The following ARHGAP29 variants were observed in gnomAD, a reference collection of about 807,000 sequenced individuals.
ARHGAP29 encodes rho GTPase-activating protein 29.
A neutral mutation model predicts 122.6 loss-of-function variants in ARHGAP29; 43 were observed. That is an observed-to-expected ratio of 0.35 (90% CI 0.27 to 0.45). The LOEUF (loss-of-function observed/expected upper bound fraction) is 0.45, where lower values mean the gene tolerates loss of function less well. Among genes scored for constraint, ARHGAP29 ranks in the 20% least tolerant of loss-of-function variants. The probability of loss-of-function intolerance (pLI) is 1.00; values close to 1 mark genes in which losing one functional copy is unlikely to be tolerated. For synonymous variants in ARHGAP29, 506 were observed against 497.1 expected, an observed-to-expected ratio of 1.02 and a Z score of -0.24; for missense variants, 1,303 against 1,477.2, an observed-to-expected ratio of 0.88 and a Z score of 1.93.
chr1:94,178,968 G>A (rs1443574818), intron 20 of ARHGAP29, among the ~76,000 whole-genome samples: 1 of 152,136 alleles, frequency 6.6e-6, no homozygotes, highest in Admixed American at 6.5e-5. Context: ...ACTTGGTTCT[G>A]TAAGTCTGAT....
chr1:94,188,802 T>C (rs756070914), intron 15 of ARHGAP29, 35 bp downstream of exon 15: 2 of 1,536,118 alleles, frequency 1.3e-6, no homozygotes, highest in Non-Finnish European at 1.8e-6. Context: ...GATCTTTCAA[T>C]GAGTTTTCAT....
chr1:94,279,950 A>G (rs757322454), upstream of ARHGAP29, among the ~76,000 whole-genome samples: 10 of 151,800 alleles, frequency 6.6e-5, no homozygotes, highest in South Asian at 2.1e-3. Flanking sequence ...AGTGCCCGCA[A>G]GTTGTTTGTT....
intron 1 of ARHGAP29, among the ~76,000 whole-genome samples, chr1:94,255,217 G>A (rs1654290346): frequency 6.6e-6 from 1 of 152,192 alleles, no homozygotes; most frequent in South Asian, 2.1e-4. Flanking sequence ...GTCTTTACAA[G>A]AAGAGGTGAT....
At chr1:94,231,089 G>C (rs1652895681) in intron 2 of ARHGAP29, among the ~76,000 whole-genome samples, 1 of 152,028 alleles carries the variant, frequency 6.6e-6, no homozygotes, top group Admixed American at 6.5e-5. Flanking sequence ...TCAATGCACT[G>C]TGTTACCATT....
At chr1:94,194,636 C>T (rs1265228705) in intron 12 of ARHGAP29, 4 of 152,230 alleles carry the variant, frequency 2.6e-5, no homozygotes, top group African/African-American at 9.7e-5. Flanking sequence ...TCCACCTAGT[C>T]ACCTCCCAAA....
intron 12 of ARHGAP29, among the ~76,000 whole-genome samples, chr1:94,197,159 A>C (rs962245155): frequency 3.3e-5 from 5 of 152,162 alleles, no homozygotes; most frequent in African/African-American, 7.2e-5. Flanking sequence ...GATGCAAATT[A>C]CCAGTATCGG....
At chr1:94,195,505 C>T (rs904831249) in intron 12 of ARHGAP29, 20 of 151,882 alleles carry the variant, frequency 1.3e-4, no homozygotes, top group Non-Finnish European at 2.7e-4. Flanking sequence ...TATGAAGATA[C>T]ATAATAAAAA....
At chr1:94,236,730 T>C (rs1256849651) in intron 1 of ARHGAP29, among the ~76,000 whole-genome samples, 2 of 151,888 alleles carry the variant, frequency 1.3e-5, no homozygotes, top group African/African-American at 2.4e-5. Flanking sequence ...ACGTCCACAA[T>C]TGAACTGGGA....
rs779037081 is a variant in ARHGAP29 at position 94,202,934 on chromosome 1, T to A, written c.938A>T (p.Gln313Leu). The A allele has an allele frequency of 1.5e-5, 24 of 1,606,812 alleles. No individual in the cohort carries two copies. In the South Asian group the frequency reaches 2.7e-4, roughly 18 times the overall value. ...QRKEIKELWK[Q>L]EQNKMLEAEN... ...AATACTAACCATTTTATTTTGCTCC[T>A]GTTTCCAAAGCTCTTTTATTTCTTT... The change falls in exon 10 of 23, where the codon CAG becomes CTG. Residue 313 changes from glutamine (Q) to leucine (L), a missense_variant. Physicochemically the swap from Gln to Leu is moderately radical, Grantham distance 113. Coordinates refer to ENST00000260526, the MANE Select transcript of ARHGAP29 (RefSeq NM_004815.4).
At chr1:94,178,374 T>C (rs1649245156) in intron 20 of ARHGAP29, among the ~76,000 whole-genome samples, 1 of 152,112 alleles carries the variant, frequency 6.6e-6, no homozygotes, top group African/African-American at 2.4e-5. Flanking sequence ...TTGGAATAAA[T>C]TTCAAGTTAA....
the ARHGAP29 span, among the ~76,000 whole-genome samples, chr1:94,314,412 G>A: frequency 6.6e-6 from 1 of 152,114 alleles, no homozygotes; most frequent in South Asian, 2.1e-4. Context: ...CCATGATTCT[G>A]GGGGATTGTG....
intron 18 of ARHGAP29, 123 bp from the exon 19 acceptor site, chr1:94,184,411 GAAA>G: frequency 1.3e-6 from 1 of 773,874 alleles, no homozygotes; most frequent in Non-Finnish European, 2.0e-6. Flanking sequence ...TATTATTTTA[GAAA>G]AAAACTATTC....
At position 94,231,409 on chromosome 1, in the gene ARHGAP29, G is replaced by GT. The variant is rs757573008; in HGVS notation, c.202_203insA (p.Ser68TyrfsTer5). ...ATGCTAATAGAAAAGTGACAAACCT[G>GT]AAAATATGGCTTCTTTCAAATATAG... On this transcript the variant is annotated frameshift_variant, in exon 2 of 23. Coordinates refer to ENST00000260526, the MANE Select transcript of ARHGAP29 (RefSeq NM_004815.4). LOFTEE classifies it high-confidence loss of function. 6.2e-7 allele frequency: 1 copy of GT among 1,611,618 alleles called. No individual in the cohort carries two copies. Among genetic ancestry groups the GT allele is most frequent in the Non-Finnish European group, 8.5e-7 (1 of 1,178,342 alleles).
chr1:94,252,886 A>G (rs1200989581), intron 1 of ARHGAP29, among the ~76,000 whole-genome samples: 1 of 152,218 alleles, frequency 6.6e-6, no homozygotes, highest in Admixed American at 6.5e-5. Flanking sequence ...AAATACCTGT[A>G]AGATAACAAA....
upstream of ARHGAP29, among the ~76,000 whole-genome samples, chr1:94,241,664 TA>T (rs1376254630): frequency 1.4e-5 from 2 of 145,232 alleles, no homozygotes; most frequent in African/African-American, 5.0e-5. Context: ...CTTATATATA[TA>T]ATTATATATG....
intron 7 of ARHGAP29, among the ~76,000 whole-genome samples, chr1:94,204,624 C>T (rs1054798227): frequency 6.6e-6 from 1 of 152,216 alleles, no homozygotes; most frequent in Non-Finnish European, 1.5e-5. Flanking sequence ...GTCTTGCCTA[C>T]TTCTCAGAGT....
intron 1 of ARHGAP29, among the ~76,000 whole-genome samples, chr1:94,244,254 A>G (rs1653710917): frequency 6.6e-6 from 1 of 151,684 alleles, no homozygotes; most frequent in South Asian, 2.1e-4. Context: ...CAAAAAACAA[A>G]TTTCTTAACA....
intron 1 of ARHGAP29, among the ~76,000 whole-genome samples, chr1:94,235,327 A>G (rs2101624501): frequency 6.6e-6 from 1 of 152,334 alleles, no homozygotes; most frequent in Non-Finnish European, 1.5e-5. Context: ...TCATGCGCGA[A>G]AATGAATATT....
At chr1:94,238,557 G>A (rs1411135554), upstream of ARHGAP29, among the ~76,000 whole-genome samples, 1 of 152,148 alleles carries the variant, frequency 6.6e-6, no homozygotes, top group Non-Finnish European at 1.5e-5. Context: ...TAGAGAAACA[G>A]AGGAAAAAAC....
Sources: gnomAD v4.1 joint callset for allele counts (sites outside exome capture counted in the v4.1 genomes callset) on GRCh38, gnomAD v4.1.1 for gene constraint, MANE v1.5 for transcripts, NCBI Gene and HGNC (gene_info 2026-07-23, HGNC 2026-07-21) for gene names.